BIN3: variants seen among roughly 807,000 people sequenced by gnomAD.
BIN3 encodes the protein bridging integrator 3.
Under a neutral mutation model 38.2 loss-of-function variants are expected in BIN3, and 41 were observed. That is an observed-to-expected ratio of 1.07 (90% confidence interval 0.84 to 1.39). The LOEUF is 1.39. Ranked by LOEUF, BIN3 falls within the 40% of genes most tolerant of loss-of-function variation. The pLI is 0.00. For missense variants in BIN3, 361 were observed against 324.3 expected (o/e 1.11, Z -0.87); for synonymous variants, 145 against 122.6 (o/e 1.18, Z -1.21).
chr8:22,636,781 G>A, intron 3 of BIN3, 141 bp downstream of exon 3: 1 of 1,083,442 alleles, frequency 9.2e-7, no homozygotes, highest in Non-Finnish European at 1.4e-6. Flanking sequence ...CCAGGGAACA[G>A]TTCCAGCAGC....
chr8:22,634,666 A>C, intron 4 of BIN3: 1 of 400,568 alleles, frequency 2.5e-6, no homozygotes, highest in South Asian at 1.9e-5. Context: ...TGGCCCTTTG[A>C]ATGGTGTCAG....
intron 1 of BIN3, among the ~76,000 whole-genome samples, chr8:22,668,179 T>C (rs1307317842): frequency 6.6e-6 from 1 of 152,178 alleles, no homozygotes; most frequent in Non-Finnish European, 1.5e-5. Context: ...GAGTATTCTC[T>C]AACCTCTAAG....
At position 22,621,582 on chromosome 8, in the gene BIN3, CAG is replaced by C. The variant is rs139550921; in HGVS notation, c.616-16_616-15del. ...GTAGTACACAACCTGGGGGAGGCGA[CAG>C]GGGTTGGCACGTGCTGGCTCCAGGG... On this transcript the variant is annotated splice_polypyrimidine_tract_variant and intron_variant, in intron 8 of 8. Coordinates refer to ENST00000276416, the MANE Select transcript of BIN3 (RefSeq NM_018688.6). The C allele has an allele frequency of 9.4e-3, 15,102 of 1,612,880 alleles. 121 individuals carry two copies. The highest frequency in any genetic ancestry group is 0.04 in the African/African-American group (3,036 of 75,030).
chr8:22,659,738 G>A (rs1015401207), intron 1 of BIN3, among the ~76,000 whole-genome samples: 1 of 152,190 alleles, frequency 6.6e-6, no homozygotes, highest in East Asian at 1.9e-4. Context: ...GTGAGACTCT[G>A]GGCAAGTGAC....
intron 2 of BIN3, among the ~76,000 whole-genome samples, chr8:22,642,621 T>C (rs1022649740): frequency 6.6e-6 from 1 of 152,206 alleles, no homozygotes; most frequent in Non-Finnish European, 1.5e-5. Flanking sequence ...TGCCAGACAC[T>C]GTGTTAGGTG....
chr8:22,649,895 ACAGT>A (rs1190577734), intron 1 of BIN3, among the ~76,000 whole-genome samples: 2 of 151,370 alleles, frequency 1.3e-5, no homozygotes, highest in African/African-American at 2.4e-5. Flanking sequence ...ATCCTGAATC[ACAGT>A]GTGTACATGT....
rs141281913 is a variant in BIN3, at chr8:22,624,320, G to A, written c.382C>T (p.Arg128Trp). 82 of 1,613,882 alleles carry A rather than the reference G, an allele frequency of 5.1e-5. No homozygotes were observed. In the African/African-American group the frequency reaches 6.1e-4, roughly 12 times the overall value. The change falls in exon 7 of 9, where the codon CGG becomes TGG. Residue 128 changes from arginine to tryptophan, a missense_variant. Transcript: ENST00000276416. Reference protein sequence around the residue: ...FPSLNMAVKRREQALQDYRRL... With the variant: ...FPSLNMAVKRWEQALQDYRRL... ...CTGTAGTCCTGCAAGGCCTGTTCCCGCCTCTTCACAGCCATGTTGAGGCTC... is the reference window on the plus strand; with the variant it reads ...CTGTAGTCCTGCAAGGCCTGTTCCCACCTCTTCACAGCCATGTTGAGGCTC...
chr8:22,625,385 G>A (rs996116108), intron 6 of BIN3: 4 of 702,602 alleles, frequency 5.7e-6, no homozygotes, highest in Non-Finnish European at 1.0e-5. Context: ...ATTCGGAGGT[G>A]ACCCAGGACC....
intron 8 of BIN3, among the ~76,000 whole-genome samples, chr8:22,621,881 G>A (rs1164321593): frequency 2.0e-5 from 3 of 152,234 alleles, no homozygotes; most frequent in African/African-American, 7.2e-5. Flanking sequence ...CATGACTGGA[G>A]TTTTACTGCT....
At chr8:22,659,778 C>G (rs547956215) in intron 1 of BIN3, among the ~76,000 whole-genome samples, 6 of 152,304 alleles carry the variant, frequency 3.9e-5, no homozygotes, top group African/African-American at 1.2e-4. Flanking sequence ...GTCTCTTTAT[C>G]TATAAAATAG....
At chr8:22,642,447 G>A (rs754315685) in intron 2 of BIN3, among the ~76,000 whole-genome samples, 4 of 152,178 alleles carry the variant, frequency 2.6e-5, no homozygotes, top group Non-Finnish European at 4.4e-5. Flanking sequence ...TAACTACTCC[G>A]AGCTGTAGCT....
rs1801961927 is a variant in BIN3, at chr8:22,625,064, C to T, written c.339-701G>A. Reference sequence around the variant, plus strand: ...TCTGCCATTGGAACCGCCAAAGTTCCAACCAGCTGCTTCAGGAAAATGCCC... The same window carrying T: ...TCTGCCATTGGAACCGCCAAAGTTCTAACCAGCTGCTTCAGGAAAATGCCC... On this transcript the variant is annotated intron_variant, in intron 6 of 8. Transcript: ENST00000276416. The T allele has an allele frequency of 7.0e-6, 3 of 426,618 alleles. No individual in the cohort carries two copies. The Admixed American group carries it at 1.1e-4, about 15-fold the overall frequency. The allele number at this position is 426,618 out of a possible 1,614,324, so 26.4% of individuals were successfully genotyped here.
At chr8:22,625,396 A>C (rs768631346) in intron 6 of BIN3, 4 of 702,600 alleles carry the variant, frequency 5.7e-6, no homozygotes, top group Non-Finnish European at 7.8e-6. Flanking sequence ...ACCCAGGACC[A>C]GAAGAGTTGG....
intron 1 of BIN3, among the ~76,000 whole-genome samples, chr8:22,664,321 G>A (rs549694816): frequency 3.3e-5 from 5 of 152,214 alleles, no homozygotes; most frequent in Non-Finnish European, 7.3e-5. Flanking sequence ...TGAAATAAGA[G>A]CAAGCTCACA....
Position 22,643,499 on chromosome 8 carries a change from G to C in BIN3, c.57+1256C>G, listed in dbSNP as rs553017922. ...GCGTGCATATTTTTTGGTAGAGTCG[G>C]GGTCTCTCTTTGTTGCCCAGGCTGG... On this transcript the variant is annotated intron_variant, in intron 2 of 8. Coordinates refer to ENST00000276416, the MANE Select transcript of BIN3 (RefSeq NM_018688.6). Among the ~76,000 whole-genome samples the C allele has an allele frequency of 2.0e-5, 3 of 152,258 alleles. No homozygotes were observed. The South Asian group carries it at 6.2e-4, about 32-fold the overall frequency.
chr8:22,626,892 G>A (rs1030821429), intron 6 of BIN3, among the ~76,000 whole-genome samples: 7 of 152,168 alleles, frequency 4.6e-5, no homozygotes, highest in African/African-American at 1.7e-4. Flanking sequence ...GCCAGAGTCA[G>A]AGCCACCAGG....
chr8:22,636,835 C>T, intron 3 of BIN3, 87 bp downstream of exon 3: 4 of 1,450,048 alleles, frequency 2.8e-6, no homozygotes, highest in Non-Finnish European at 3.9e-6. Flanking sequence ...GCTCACGGGG[C>T]AGGGCACGGG....
At chr8:22,628,519 G>A (rs1333301293) in intron 6 of BIN3, among the ~76,000 whole-genome samples, 3 of 152,188 alleles carry the variant, frequency 2.0e-5, no homozygotes, top group Non-Finnish European at 4.4e-5. Flanking sequence ...GGAGATGTGC[G>A]CCCCCTCTGC....
At chr8:22,661,909 G>C (rs1803248705) in intron 1 of BIN3, among the ~76,000 whole-genome samples, 1 of 150,962 alleles carries the variant, frequency 6.6e-6, no homozygotes. Flanking sequence ...TCCTGCCTCA[G>C]CCTCTTGAGT....
Sources: allele counts gnomAD v4.1 joint callset (sites outside exome capture counted in the v4.1 genomes callset), GRCh38; gene constraint gnomAD v4.1.1; transcripts MANE v1.5; gene names NCBI Gene and HGNC (gene_info 2026-07-23, HGNC 2026-07-21).